ATE1: variants seen among roughly 807,000 people sequenced by gnomAD.
The protein encoded by ATE1 is arginyl-tRNA--protein transferase 1.
ATE1 carries 36 observed loss-of-function variants against 70.5 expected under a neutral mutation model. That is an observed-to-expected ratio of 0.51 (90% CI 0.39 to 0.67). The LOEUF (loss-of-function observed/expected upper bound fraction) is 0.67, where lower values mean the gene tolerates loss of function less well. ATE1 is among the 30% of genes least tolerant of loss of function. The pLI is 0.00. For missense variants in ATE1, 593 were observed against 629.5 expected, an observed-to-expected ratio of 0.94 and a Z score of 0.62; for synonymous variants, 232 against 219.3, an observed-to-expected ratio of 1.06 and a Z score of -0.51.
intron 4 of ATE1, among the ~76,000 whole-genome samples, chr10:121,913,072 G>A (rs751878245): frequency 1.3e-5 from 2 of 152,212 alleles, no homozygotes. Flanking sequence ...GTAGAGACAG[G>A]GTTTCACCAT....
At chr10:121,833,301 T>TA (rs535442683) in intron 10 of ATE1, among the ~76,000 whole-genome samples, 11,273 of 144,738 alleles carry the variant, frequency 0.078, 527 homozygotes, top group African/African-American at 0.14. Context: ...AAATCTTTGT[T>TA]AAAAAAAAAA....
intron 8 of ATE1, among the ~76,000 whole-genome samples, chr10:121,843,993 A>G (rs189235442): frequency 3.7e-4 from 57 of 152,374 alleles, no homozygotes; most frequent in Non-Finnish European, 7.2e-4. Context: ...TAAAAACTCA[A>G]GTCACAGACT....
chr10:121,899,022 T>C (rs779025180), intron 7 of ATE1: 66 of 1,590,694 alleles, frequency 4.1e-5, no homozygotes, highest in Non-Finnish European at 5.5e-5. Flanking sequence ...TCTGATGATA[T>C]GCTTCTGAAG....
intron 10 of ATE1, among the ~76,000 whole-genome samples, chr10:121,800,766 C>T (rs939570858): frequency 3.3e-5 from 5 of 152,012 alleles, no homozygotes; most frequent in Admixed American, 6.5e-5. Context: ...GTACTAAAAC[C>T]GACTGCTTAA....
intron 11 of ATE1, among the ~76,000 whole-genome samples, chr10:121,760,968 T>C (rs952719493): frequency 6.6e-6 from 1 of 152,210 alleles, no homozygotes; most frequent in African/African-American, 2.4e-5. Flanking sequence ...GGGAGGTGTT[T>C]GGGTCATGGG....
intron 10 of ATE1, among the ~76,000 whole-genome samples, chr10:121,814,119 GATCA>G (rs1947439461): frequency 6.6e-6 from 1 of 152,172 alleles, no homozygotes; most frequent in Non-Finnish European, 1.5e-5. Context: ...AGGGCTGACA[GATCA>G]ATCGTAAATC....
intron 10 of ATE1, among the ~76,000 whole-genome samples, chr10:121,836,463 C>T (rs575176354): frequency 6.6e-5 from 10 of 152,212 alleles, no homozygotes; most frequent in South Asian, 6.2e-4. Context: ...GTTTCATTAA[C>T]GAGAGTCATA....
chr10:121,893,236 C>CACTGCA (rs1950642220), intron 7 of ATE1, among the ~76,000 whole-genome samples: 1 of 147,302 alleles, frequency 6.8e-6, no homozygotes, highest in Admixed American at 6.8e-5. Context: ...AAGATCACGC[C>CACTGCA]ACTGCACTCT....
intron 11 of ATE1, among the ~76,000 whole-genome samples, chr10:121,759,786 G>A (rs1331326420): frequency 6.6e-6 from 1 of 151,204 alleles, no homozygotes; most frequent in East Asian, 1.9e-4. Flanking sequence ...GCTACAGCAA[G>A]TTACCCTGAA....
At chr10:121,834,965 T>TA (rs1948380141) in intron 10 of ATE1, among the ~76,000 whole-genome samples, 1 of 152,178 alleles carries the variant, frequency 6.6e-6, no homozygotes, top group Non-Finnish European at 1.5e-5. Context: ...ATAAATACAT[T>TA]AAAGTATCTT....
In ATE1 at chr10:121,841,980, G is replaced by T. The variant is rs193274752; in HGVS notation, c.976-717C>A. Among the ~76,000 whole-genome samples the T allele has an allele frequency of 2.0e-5, 3 of 152,260 alleles. No homozygotes were observed. The East Asian group carries it at 5.8e-4, about 29-fold the overall frequency. On this transcript the variant is annotated intron_variant, in intron 8 of 11. Coordinates refer to ENST00000224652, the MANE Select transcript of ATE1 (RefSeq NM_001001976.3). The stretch of plus-strand genomic sequence containing the variant: ...CACAAAGGTTAGGAAAGAAATGCAT[G>T]AGAAAAATATGAGGAACATAAAAGA...
chr10:121,799,070 A>G (rs1202206985), intron 10 of ATE1, among the ~76,000 whole-genome samples: 1 of 152,216 alleles, frequency 6.6e-6, no homozygotes, highest in Non-Finnish European at 1.5e-5. Context: ...TATTTTCAAA[A>G]TAACTTCCGA....
intron 11 of ATE1, among the ~76,000 whole-genome samples, chr10:121,749,061 A>T: frequency 6.6e-6 from 1 of 152,186 alleles, no homozygotes; most frequent in East Asian, 1.9e-4. Flanking sequence ...TTTTCCCATG[A>T]ACACACTTTG....
At chr10:121,821,776 G>A (rs1947808619) in intron 10 of ATE1, among the ~76,000 whole-genome samples, 2 of 152,178 alleles carry the variant, frequency 1.3e-5, no homozygotes, top group Admixed American at 6.5e-5. Flanking sequence ...AGCTACTCAG[G>A]AGGCTGAGAC....
intron 5 of ATE1, among the ~76,000 whole-genome samples, chr10:121,906,600 AG>A (rs1461101831): frequency 4.6e-5 from 7 of 151,452 alleles, no homozygotes; most frequent in Non-Finnish European, 1.0e-4. Flanking sequence ...AAAAAATCCA[AG>A]GTTTTTTGTT....
At chr10:121,805,572 G>A (rs543895430) in intron 10 of ATE1, among the ~76,000 whole-genome samples, 46 of 152,280 alleles carry the variant, frequency 3.0e-4, no homozygotes, top group Admixed American at 5.9e-4. Flanking sequence ...GTCTGAGAAC[G>A]AGATCTTAAC....
intron 8 of ATE1, among the ~76,000 whole-genome samples, chr10:121,852,960 CAG>C (rs921481798): frequency 2.0e-5 from 3 of 152,098 alleles, no homozygotes; most frequent in Non-Finnish European, 4.4e-5. Context: ...ACACTAAAGA[CAG>C]GGGAAAATAA....
chr10:121,829,397 C>G (rs1405491456), intron 10 of ATE1, among the ~76,000 whole-genome samples: 1 of 151,414 alleles, frequency 6.6e-6, no homozygotes, highest in Non-Finnish European at 1.5e-5. Context: ...GCACTCCAGC[C>G]TGGCAACAGA....
intron 11 of ATE1, among the ~76,000 whole-genome samples, chr10:121,787,836 C>T (rs1323260940): frequency 6.6e-6 from 1 of 152,096 alleles, no homozygotes; most frequent in Non-Finnish European, 1.5e-5. Context: ...ACTTGAATGT[C>T]TATTCAATGG....
Sources: gnomAD v4.1 joint callset for allele counts (sites outside exome capture counted in the v4.1 genomes callset) on GRCh38, gnomAD v4.1.1 for gene constraint, MANE v1.5 for transcripts, NCBI Gene and HGNC (gene_info 2026-07-23, HGNC 2026-07-21) for gene names.